GRIP1: variants seen among roughly 807,000 people sequenced by gnomAD.
GRIP1 encodes the protein glutamate receptor interacting protein 1.
A neutral mutation model predicts 129.9 loss-of-function variants in GRIP1; 45 were observed. That is an observed-to-expected ratio of 0.35 (90% CI 0.27 to 0.44). The LOEUF (loss-of-function observed/expected upper bound fraction) is 0.44. Among genes scored for constraint, GRIP1 ranks in the 20% least tolerant of loss-of-function variants. The pLI is 1.00. For synonymous variants in GRIP1, 530 were observed against 520.8 expected (o/e 1.02, Z -0.24); for missense variants, 1,196 against 1,396.8 (o/e 0.86, Z 2.29).
intron 1 of GRIP1, among the ~76,000 whole-genome samples, chr12:67,040,797 G>T (rs1229035444): frequency 6.6e-6 from 1 of 152,190 alleles, no homozygotes; most frequent in Non-Finnish European, 1.5e-5. Flanking sequence ...GTCATGGTTA[G>T]CTCTGAGTCA....
chr12:66,776,892 GA>G, intron 1 of GRIP1, among the ~76,000 whole-genome samples: 1 of 152,126 alleles, frequency 6.6e-6, no homozygotes, highest in South Asian at 2.1e-4. Flanking sequence ...GCATTATCTA[GA>G]AAAATTAAAA....
chr12:66,995,598 A>G (rs2042455688), intron 1 of GRIP1, among the ~76,000 whole-genome samples: 1 of 152,200 alleles, frequency 6.6e-6, no homozygotes, highest in Admixed American at 6.5e-5. Flanking sequence ...GATGCTTTAC[A>G]TCATTATTTA....
At chr12:66,932,234 A>G (rs567175025) in intron 1 of GRIP1, among the ~76,000 whole-genome samples, 7 of 152,276 alleles carry the variant, frequency 4.6e-5, no homozygotes, top group Non-Finnish European at 7.4e-5. Context: ...ATGAGCTACA[A>G]CCCCAAAGAA....
intron 1 of GRIP1, among the ~76,000 whole-genome samples, chr12:67,001,339 G>T (rs937332943): frequency 7.2e-5 from 11 of 152,028 alleles, no homozygotes; most frequent in Admixed American, 7.2e-4. Context: ...AAAGAAAGAG[G>T]GGAAAAAAGC....
intron 14 of GRIP1, among the ~76,000 whole-genome samples, chr12:66,428,262 A>G (rs746425819): frequency 8.2e-4 from 125 of 152,186 alleles, no homozygotes; most frequent in Non-Finnish European, 1.5e-3. Flanking sequence ...TGGTAAGTAA[A>G]ACAAGTTAAT....
chr12:66,494,985 G>GCTATAA lies in GRIP1; in HGVS notation c.724+20628_724+20633dup, dbSNP rs1324495266. 2.6e-5 allele frequency among the ~76,000 whole-genome samples: 4 copies of GCTATAA among 152,274 alleles called. No individual in the cohort carries two copies. In the East Asian group the frequency reaches 7.7e-4, roughly 29 times the overall value. ...ATTATAATGTATGTGTCCTAGGGTT[G>GCTATAA]CTATAACTATTAGAGTTAATACAAT... On this transcript the variant is annotated intron_variant, in intron 7 of 24. Coordinates refer to ENST00000359742, the MANE Select transcript of GRIP1 (RefSeq NM_001366722.1).
intron 1 of GRIP1, among the ~76,000 whole-genome samples, chr12:66,960,899 T>C (rs2041912555): frequency 6.6e-6 from 1 of 152,066 alleles, no homozygotes; most frequent in Non-Finnish European, 1.5e-5. Context: ...TCCCTCCTCC[T>C]TCCCTGGCTA....
At chr12:67,035,137 T>A (rs1050552717) in intron 1 of GRIP1, among the ~76,000 whole-genome samples, 3 of 152,194 alleles carry the variant, frequency 2.0e-5, no homozygotes, top group Non-Finnish European at 4.4e-5. Context: ...TTTAAAAACA[T>A]CTCGTACAAG....
At chr12:66,992,458 T>C (rs2042407655) in intron 1 of GRIP1, among the ~76,000 whole-genome samples, 1 of 152,126 alleles carries the variant, frequency 6.6e-6, no homozygotes, top group East Asian at 1.9e-4. Flanking sequence ...TAGAGCCAAA[T>C]AGGTAGGTGG....
At chr12:67,014,144 A>G (rs1252291) in intron 1 of GRIP1, among the ~76,000 whole-genome samples, 14,420 of 152,234 alleles carry the variant, frequency 0.095, 1,659 homozygotes, top group African/African-American at 0.27. Flanking sequence ...GTCAGCCTCT[A>G]AACTTTTCAT....
At chr12:67,013,861 T>C (rs1384345010) in intron 1 of GRIP1, among the ~76,000 whole-genome samples, 1 of 152,204 alleles carries the variant, frequency 6.6e-6, no homozygotes, top group Non-Finnish European at 1.5e-5. Flanking sequence ...TGCTGCAATA[T>C]ATCCAAACCA....
chr12:66,737,347 G>A (rs112665193), intron 1 of GRIP1, among the ~76,000 whole-genome samples: 2,261 of 152,066 alleles, frequency 0.015, 59 homozygotes, highest in African/African-American at 0.052. Flanking sequence ...GCAGTGGCGC[G>A]ATCTCAGCTC....
chr12:66,716,757 A>G (rs1474498484), intron 1 of GRIP1, among the ~76,000 whole-genome samples: 1 of 151,996 alleles, frequency 6.6e-6, no homozygotes, highest in Non-Finnish European at 1.5e-5. Context: ...GGAGGCACTT[A>G]GGAGTGGCAG....
chr12:66,597,578 G>A (rs1248961712), intron 1 of GRIP1, among the ~76,000 whole-genome samples: 2 of 152,096 alleles, frequency 1.3e-5, no homozygotes, highest in Non-Finnish European at 2.9e-5. Context: ...GCAATGAGCT[G>A]GTTTGTGCTC....
At chr12:66,885,909 T>G (rs1490927764) in intron 1 of GRIP1, among the ~76,000 whole-genome samples, 2 of 152,152 alleles carry the variant, frequency 1.3e-5, no homozygotes, top group Non-Finnish European at 2.9e-5. Flanking sequence ...ATACAAAAAT[T>G]AAGCTATCAT....
In GRIP1 at chr12:66,515,609, C is replaced by T. The variant is rs12316942; in HGVS notation, c.724+10G>A. The T allele has an allele frequency of 0.64, 1,023,849 of 1,609,018 alleles. 328,366 individuals are homozygous for T. Among genetic ancestry groups the T allele is most frequent in the African/African-American group, 0.8 (60,210 of 74,874 alleles). ...TGCTTAGAGATCACACCCTCAGGACCCCAACATACCCATTACTGAGACATC... is the reference window on the plus strand; with the variant it reads ...TGCTTAGAGATCACACCCTCAGGACTCCAACATACCCATTACTGAGACATC... On this transcript the variant is annotated intron_variant, in intron 7 of 24. Coordinates refer to ENST00000359742, the MANE Select transcript of GRIP1 (RefSeq NM_001366722.1).
chr12:66,462,619 T>C (rs1052366687), intron 9 of GRIP1, among the ~76,000 whole-genome samples: 3 of 151,900 alleles, frequency 2.0e-5, no homozygotes, highest in African/African-American at 7.3e-5. Context: ...CTGACCAACA[T>C]GGTGAAACCC....
At chr12:66,646,548 C>T (rs778465166) in intron 1 of GRIP1, among the ~76,000 whole-genome samples, 9 of 152,144 alleles carry the variant, frequency 5.9e-5, no homozygotes, top group Non-Finnish European at 7.4e-5. Context: ...TGCTTAAACC[C>T]GGAACATAAG....
intron 1 of GRIP1, among the ~76,000 whole-genome samples, chr12:66,941,966 G>A (rs1592372651): frequency 6.6e-6 from 1 of 152,114 alleles, no homozygotes; most frequent in African/African-American, 2.4e-5. Context: ...CCTGTTGCAG[G>A]CACTACCCAT....
Sources: gnomAD v4.1 joint callset for allele counts (sites outside exome capture counted in the v4.1 genomes callset) on GRCh38, gnomAD v4.1.1 for gene constraint, MANE v1.5 for transcripts, NCBI Gene and HGNC (gene_info 2026-07-23, HGNC 2026-07-21) for gene names.